Variants in COL5A2 observed in about 807,000 individuals in gnomAD.
COL5A2 encodes the protein collagen type V alpha 2 chain.
COL5A2 carries 23 observed loss-of-function variants against 208.2 expected under a neutral mutation model. The observed-to-expected ratio is 0.11, with a 90% CI of 0.08 to 0.16. The LOEUF is 0.16. COL5A2 is among the 10% of genes least tolerant of loss of function. COL5A2 has a pLI of 1.00. For synonymous variants in COL5A2, 625 were observed against 628.5 expected (o/e 0.99, Z 0.08); for missense variants, 1,590 against 1,956.4 (o/e 0.81, Z 3.53).
At chr2:189,251,620 A>C in the COL5A2 span, among the ~76,000 whole-genome samples, 1 of 151,304 alleles carries the variant, frequency 6.6e-6, no homozygotes, top group African/African-American at 2.4e-5. Context: ...TTTCAGCTTA[A>C]TTTCTTACTA....
the COL5A2 span, among the ~76,000 whole-genome samples, chr2:189,318,851 G>C: frequency 6.6e-6 from 1 of 152,144 alleles, no homozygotes; most frequent in Non-Finnish European, 1.5e-5. Context: ...TTTTGACACA[G>C]CTGCTTTAGT....
the COL5A2 span, among the ~76,000 whole-genome samples, chr2:189,244,675 C>T: frequency 0.014 from 2,059 of 152,296 alleles, 21 homozygotes; most frequent in Non-Finnish European, 0.021. Context: ...CAAACTTTTC[C>T]ACATTTCCCT....
chr2:189,292,209 C>T, the COL5A2 span, among the ~76,000 whole-genome samples: 42 of 152,082 alleles, frequency 2.8e-4, no homozygotes, highest in African/African-American at 8.4e-4. Context: ...TATGGAAGAC[C>T]GCAGCTTATT....
At chr2:189,099,360 T>C (rs968815200) in intron 4 of COL5A2, among the ~76,000 whole-genome samples, 1 of 152,168 alleles carries the variant, frequency 6.6e-6, no homozygotes, top group Admixed American at 6.5e-5. Context: ...AGACTGATGA[T>C]AACACCTTTA....
chr2:189,248,876 A>T, the COL5A2 span, among the ~76,000 whole-genome samples: 3 of 152,164 alleles, frequency 2.0e-5, no homozygotes, highest in Non-Finnish European at 4.4e-5. Flanking sequence ...ATGTTTCTAC[A>T]TCATTAATAT....
At chr2:189,119,496 G>A (rs1169681370) in intron 1 of COL5A2, among the ~76,000 whole-genome samples, 25 of 151,918 alleles carry the variant, frequency 1.6e-4, no homozygotes, top group Admixed American at 1.6e-3. Flanking sequence ...AAGTAAACAT[G>A]GGCAAACTTT....
In COL5A2 at chr2:189,066,426, T is replaced by G. The variant is rs202234821; in HGVS notation, c.1527A>C (p.Pro509=). The G allele has an allele frequency of 3.7e-6, 6 of 1,614,206 alleles. No individual in the cohort carries two copies. Among genetic ancestry groups the G allele is most frequent in the Non-Finnish European group, 5.1e-6 (6 of 1,180,012 alleles). Residue 509 remains proline, a synonymous_variant, in exon 23 of 54, where the codon CCA becomes CCC. Coordinates refer to ENST00000374866, the MANE Select transcript of COL5A2 (RefSeq NM_000393.5). ...EEGKRGPRGD[P]GTVGPPGPVG... is the part of the protein sequence containing the mutation. ...CTGGCCCTGGAGGACCAACTGTTCC[T>G]GGGTCACCTCTGGGACCTCTTTTGC...
At chr2:189,332,009 C>T in the COL5A2 span, among the ~76,000 whole-genome samples, 5 of 150,046 alleles carry the variant, frequency 3.3e-5, no homozygotes, top group East Asian at 1.9e-4. Flanking sequence ...AAATATATAC[C>T]GAGACATTGT....
At chr2:189,286,214 T>C in the COL5A2 span, among the ~76,000 whole-genome samples, 37 of 152,288 alleles carry the variant, frequency 2.4e-4, no homozygotes, top group African/African-American at 8.4e-4. Context: ...ATCCTAACTG[T>C]CCATTTTCAG....
Position 189,053,918 on chromosome 2 carries a change from G to A in COL5A2, c.2476C>T (p.Pro826Ser), listed in dbSNP as rs768231368. 4 of 1,613,948 alleles carry A rather than the reference G, an allele frequency of 2.5e-6. No individual in the cohort carries two copies. The South Asian group carries it at 4.4e-5, about 18-fold the overall frequency. The change falls in exon 37 of 54, where the codon CCT becomes TCT. Residue 826 changes from proline (P) to serine (S), a missense_variant. Coordinates refer to ENST00000374866, the MANE Select transcript of COL5A2 (RefSeq NM_000393.5). ...ACAGGATTGCCCCGGGAGCCAGGAG[G>A]GCCAACTAAACCTCGAGGACCAGGT... ...GEPGPRGLVG[P>S]PGSRGNPGSR... is the part of the protein sequence containing the mutation.
At chr2:189,406,682 C>T in the COL5A2 span, among the ~76,000 whole-genome samples, 83 of 152,036 alleles carry the variant, frequency 5.5e-4, no homozygotes, top group Non-Finnish European at 1.1e-3. Context: ...TTAAACTGAC[C>T]GACTTATACA....
the COL5A2 span, among the ~76,000 whole-genome samples, chr2:189,432,748 C>T: frequency 5.3e-5 from 8 of 152,248 alleles, no homozygotes; most frequent in Admixed American, 1.3e-4. Context: ...TTTAACACCC[C>T]ACTCTCAATA....
the COL5A2 span, among the ~76,000 whole-genome samples, chr2:189,343,367 T>C: frequency 6.6e-6 from 1 of 152,064 alleles, no homozygotes; most frequent in African/African-American, 2.4e-5. Context: ...TTAGTGAAAA[T>C]CACTAGGAAG....
At chr2:189,060,344 C>G (rs72902398) in intron 31 of COL5A2, among the ~76,000 whole-genome samples, 22,702 of 151,806 alleles carry the variant, frequency 0.15, 1,682 homozygotes, top group Middle Eastern at 0.2. Flanking sequence ...GAGTGTTCAG[C>G]AAATATTTAT....
At chr2:189,142,836 C>A (rs1687959788) in intron 1 of COL5A2, among the ~76,000 whole-genome samples, 1 of 152,030 alleles carries the variant, frequency 6.6e-6, no homozygotes, top group Non-Finnish European at 1.5e-5. Context: ...AGAATTGTGT[C>A]ATTTTTTTTT....
chr2:189,216,506 T>G lies in COL5A2; in HGVS notation c.-42+8642A>C. Among the ~76,000 whole-genome samples the G allele has an allele frequency of 3.9e-5, 6 of 152,116 alleles. No homozygotes were observed. In the South Asian group the frequency reaches 1.2e-3, roughly 32 times the overall value. On this transcript the variant is annotated intron_variant, in intron 1 of 10. Coordinates refer to the COL5A2 transcript ENST00000649966. ...GGATTTCAAAATCTAGTATGTAAAT[T>G]AAAAATATTATAATTTAATTGATAT... is the stretch of plus-strand genomic sequence containing the variant.
intron 1 of COL5A2, among the ~76,000 whole-genome samples, chr2:189,153,215 G>T (rs1453209739): frequency 6.6e-6 from 1 of 151,958 alleles, no homozygotes; most frequent in East Asian, 1.9e-4. Context: ...TTCCTAACTG[G>T]GCAAAAAACG....
Position 189,050,687 on chromosome 2 carries a change from G to T in COL5A2, c.2932-11C>A. On this transcript the variant is annotated splice_polypyrimidine_tract_variant and intron_variant, in intron 42 of 53. Coordinates refer to ENST00000374866, the MANE Select transcript of COL5A2 (RefSeq NM_000393.5). ...GGGGCCATCTGGACCCTAATGTTGA[G>T]GACAAACTAAAATCAGAAACTATCC... 1 of 1,547,836 alleles carries T rather than the reference G, an allele frequency of 6.5e-7. No homozygotes were observed. Among genetic ancestry groups the T allele is most frequent in the South Asian group, 1.2e-5 (1 of 83,946 alleles).
the COL5A2 span, among the ~76,000 whole-genome samples, chr2:189,330,657 G>T: frequency 3.9e-5 from 6 of 152,114 alleles, no homozygotes; most frequent in African/African-American, 1.4e-4. Flanking sequence ...TCTTACCAAT[G>T]CTCAGGTCCC....
Sources: gnomAD v4.1 joint callset for allele counts (sites outside exome capture counted in the v4.1 genomes callset) on GRCh38, gnomAD v4.1.1 for gene constraint, MANE v1.5 for transcripts, NCBI Gene and HGNC (gene_info 2026-07-23, HGNC 2026-07-21) for gene names.